NID1: variants seen among roughly 807,000 people sequenced by gnomAD.
NID1 encodes nidogen 1.
A neutral mutation model predicts 130.6 loss-of-function variants in NID1; 76 were observed. That is an observed-to-expected ratio of 0.58 (90% confidence interval 0.48 to 0.70). The LOEUF is 0.70. NID1 is among the 30% of genes least tolerant of loss of function. NID1 has a pLI of 0.00. For synonymous variants in NID1, 665 were observed against 675.1 expected (o/e 0.98, Z 0.23); for missense variants, 1,517 against 1,664.8 (o/e 0.91, Z 1.54).
chr1:235,995,099 C>T (rs1394309220), intron 12 of NID1, among the ~76,000 whole-genome samples: 1 of 152,178 alleles, frequency 6.6e-6, no homozygotes. Context: ...ACTCCATATC[C>T]ACGGGTTCCA....
chr1:236,041,593 C>A (rs1659451901), intron 4 of NID1, among the ~76,000 whole-genome samples: 1 of 152,126 alleles, frequency 6.6e-6, no homozygotes, highest in African/African-American at 2.4e-5. Flanking sequence ...ACAAGAAAAT[C>A]TGACTTTCAA....
At chr1:235,982,876 T>C (rs558140966) in intron 15 of NID1, among the ~76,000 whole-genome samples, 248 of 152,120 alleles carry the variant, frequency 1.6e-3, no homozygotes, top group African/African-American at 5.6e-3. Context: ...GTGGGTTTTT[T>C]TGTTTTGTTT....
intron 9 of NID1, among the ~76,000 whole-genome samples, chr1:236,020,574 C>A (rs759640817): frequency 2.6e-5 from 4 of 152,142 alleles, no homozygotes; most frequent in Non-Finnish European, 5.9e-5. Context: ...AGTCACTGTG[C>A]GACGTCTCAC....
In NID1 at chr1:235,993,651, G is replaced by T. The variant is rs768180269; in HGVS notation, c.2749C>A (p.Pro917Thr). ...EGTRTRPGMT[P>T]PCLSTVAPPI... ...ACGGCCTGCACCCACTTACACGGGG[G>T]CGTCATCCCGGGCCTGGTCCTGGTG... Residue 917 changes from proline (P) to threonine (T), a missense_variant, in exon 13 of 20, where the codon CCC becomes ACC. This residue lies in a region of NID1 where 1,329 missense variants were observed against 1,429.2 expected (regional missense o/e 0.93). Transcript: ENST00000264187. The T allele has an allele frequency of 1.3e-6, 2 of 1,547,542 alleles. No individual in the cohort carries two copies. The highest frequency in any genetic ancestry group is 2.4e-5 in the South Asian group (2 of 84,666).
intron 15 of NID1, among the ~76,000 whole-genome samples, chr1:235,982,329 G>C (rs2102792648): frequency 6.6e-6 from 1 of 152,296 alleles, no homozygotes; most frequent in African/African-American, 2.4e-5. Context: ...GAGGGTGGGG[G>C]AGTGGTCAGA....
intron 19 of NID1, 64 bp downstream of exon 19, chr1:235,978,931 G>A: frequency 9.0e-7 from 1 of 1,105,154 alleles, no homozygotes; most frequent in Non-Finnish European, 1.4e-6. Flanking sequence ...GTAGCAGCCA[G>A]AGTGTGGGCT....
At position 235,976,479 on chromosome 1, in the gene NID1, A is replaced by G. The variant is rs1391899783; in HGVS notation, c.*1388T>C. ...GCTTTTTTATTTCTCTTGTTGATCA[A>G]TCTCTTTTTTGTGATACTTTTCATT... On this transcript the variant is annotated 3_prime_UTR_variant, in exon 20 of 20. Coordinates refer to ENST00000264187, the MANE Select transcript of NID1 (RefSeq NM_002508.3). 6.6e-6 allele frequency: 1 copy of G among 151,796 alleles called. No individual in the cohort carries two copies. Among genetic ancestry groups the G allele is most frequent in the East Asian group, 1.9e-4 (1 of 5,188 alleles). The allele number at this position is 151,796 out of a possible 1,614,324, so 9.4% of individuals were successfully genotyped here.
At chr1:236,009,500 T>C (rs12093781) in intron 12 of NID1, among the ~76,000 whole-genome samples, 7,310 of 152,270 alleles carry the variant, frequency 0.048, 570 homozygotes, top group African/African-American at 0.17. Flanking sequence ...AGAGGTAACC[T>C]CTGCCCTGAA....
chr1:235,984,521 A>C (rs750139490), intron 15 of NID1, among the ~76,000 whole-genome samples: 2 of 152,250 alleles, frequency 1.3e-5, no homozygotes, highest in African/African-American at 2.4e-5. Context: ...CCAAGTAAAA[A>C]GAAATACAAA....
Position 236,047,190 on chromosome 1 carries a change from G to C in NID1, c.525+1500C>G, listed in dbSNP as rs77451164. 7.6e-3 allele frequency among the ~76,000 whole-genome samples: 1,152 copies of C among 152,306 alleles called. 13 individuals carry two copies. The highest frequency in any genetic ancestry group is 0.027 in the African/African-American group (1,105 of 41,552). ...TCCTGACTGCAGGACTTTTCAGAGT[G>C]AACAGGGTGAATCACCAAGAGGGAG... On this transcript the variant is annotated intron_variant, in intron 2 of 19. Transcript: ENST00000264187.
intron 1 of NID1, among the ~76,000 whole-genome samples, chr1:236,056,629 G>A (rs1188980431): frequency 6.6e-6 from 1 of 151,726 alleles, no homozygotes; most frequent in Non-Finnish European, 1.5e-5. Flanking sequence ...ACCTCTTTTC[G>A]TCCCATACCC....
At chr1:236,064,574 C>A in intron 1 of NID1, 1 of 420,028 alleles carries the variant, frequency 2.4e-6, no homozygotes. Context: ...AGCCCACAGC[C>A]GCCGGGGAGG....
At chr1:235,985,680 C>A (rs1382665234) in intron 14 of NID1, among the ~76,000 whole-genome samples, 175 bp from the exon 15 acceptor site, 1 of 152,012 alleles carries the variant, frequency 6.6e-6, no homozygotes, top group Admixed American at 6.6e-5. Flanking sequence ...TCAGAAAAAA[C>A]TCCTGTCATA....
intron 13 of NID1, 141 bp downstream of exon 13, chr1:235,993,503 TG>T: frequency 1.4e-6 from 1 of 719,644 alleles, no homozygotes; most frequent in South Asian, 2.0e-5. Context: ...GGAAGAAGGG[TG>T]CAGCAGGAGC....
At chr1:236,048,545 A>G in intron 2 of NID1, 145 bp downstream of exon 2, 2 of 853,460 alleles carry the variant, frequency 2.3e-6, no homozygotes, top group Non-Finnish European at 3.5e-6. Context: ...GGGACCTGCA[A>G]TAACCAGCCT....
chr1:236,031,125 TC>T (rs1659085971), intron 6 of NID1, among the ~76,000 whole-genome samples: 1 of 151,396 alleles, frequency 6.6e-6, no homozygotes, highest in African/African-American at 2.4e-5. Context: ...TTTCTTTTTT[TC>T]TTTTTTTTTT....
At chr1:236,043,558 G>A (rs1033028769) in intron 3 of NID1, among the ~76,000 whole-genome samples, 1 of 152,148 alleles carries the variant, frequency 6.6e-6, no homozygotes. Flanking sequence ...CAGCACTTTG[G>A]GGGGCTGAGG....
intron 1 of NID1, chr1:236,060,917 A>C (rs1053666281): frequency 4.6e-5 from 7 of 152,192 alleles, no homozygotes; most frequent in African/African-American, 1.7e-4. Context: ...AACAACCTGA[A>C]TATAGATATC....
intron 7 of NID1, among the ~76,000 whole-genome samples, chr1:236,026,619 C>T (rs574176763): frequency 1.4e-4 from 21 of 152,244 alleles, no homozygotes; most frequent in Non-Finnish European, 2.6e-4. Flanking sequence ...TGGAATCAAG[C>T]AGACTAATAG....
Sources: allele counts gnomAD v4.1 joint callset (sites outside exome capture counted in the v4.1 genomes callset), GRCh38; gene constraint gnomAD v4.1.1; regional missense constraint gnomAD v4.1.1; transcripts MANE v1.5; gene names NCBI Gene and HGNC (gene_info 2026-07-23, HGNC 2026-07-21).